The following CALN1 variants were observed in gnomAD, a reference collection of about 807,000 sequenced individuals.
The protein encoded by CALN1 is calcium-binding protein 8.
CALN1 carries 17 observed loss-of-function variants against 30.6 expected under a neutral mutation model. The ratio of observed to expected loss-of-function variants is 0.56; its 90% CI spans 0.38 to 0.83. CALN1 has a LOEUF of 0.83. Among genes scored for constraint, CALN1 ranks in the 40% least tolerant of loss-of-function variants. The pLI, the probability that CALN1 is intolerant of heterozygous loss-of-function variation, is 0.00. For missense variants in CALN1, 291 were observed against 354.9 expected, an observed-to-expected ratio of 0.82 and a Z score of 1.45; for synonymous variants, 156 against 131.4, an observed-to-expected ratio of 1.19 and a Z score of -1.28.
chr7:72,329,773 G>T (rs1172195134), intron 2 of CALN1, among the ~76,000 whole-genome samples: 1 of 151,804 alleles, frequency 6.6e-6, no homozygotes, highest in East Asian at 1.9e-4. Flanking sequence ...GGCCAACATG[G>T]TGAGACCCCG....
the CALN1 span, among the ~76,000 whole-genome samples, chr7:72,457,080 C>T: frequency 3.1e-3 from 444 of 143,940 alleles, 2 homozygotes; most frequent in African/African-American, 0.011. Flanking sequence ...GCAATCTCAG[C>T]TCACTGCAAC....
At chr7:72,146,494 C>T (rs1786741224) in intron 3 of CALN1, among the ~76,000 whole-genome samples, 1 of 152,042 alleles carries the variant, frequency 6.6e-6, no homozygotes, top group Non-Finnish European at 1.5e-5. Context: ...AAGAACATTC[C>T]ATGCTCATGG....
chr7:72,409,499 G>T (rs557392835), intron 1 of CALN1, among the ~76,000 whole-genome samples: 1 of 147,950 alleles, frequency 6.8e-6, no homozygotes, highest in African/African-American at 2.5e-5. Flanking sequence ...TAGTCTGAGT[G>T]GACTGGCCAA....
At chr7:72,196,228 C>T (rs1790989852) in intron 3 of CALN1, among the ~76,000 whole-genome samples, 1 of 152,126 alleles carries the variant, frequency 6.6e-6, no homozygotes, top group African/African-American at 2.4e-5. Flanking sequence ...AGCAGTTCTC[C>T]TGCCTCAGCC....
At chr7:72,247,231 T>C (rs1167442210) in intron 3 of CALN1, among the ~76,000 whole-genome samples, 17 of 14,008 alleles carry the variant, frequency 1.2e-3, no homozygotes, top group South Asian at 5.6e-3. Flanking sequence ...TTCTTTCTTT[T>C]TTTTTTTTTT....
chr7:72,251,260 C>G (rs1188356205), intron 3 of CALN1, among the ~76,000 whole-genome samples: 3 of 152,182 alleles, frequency 2.0e-5, no homozygotes, highest in Non-Finnish European at 4.4e-5. Context: ...TGAACTTCCA[C>G]ATCACAGGAT....
At chr7:71,807,562 G>A (rs1392824640) in intron 6 of CALN1, among the ~76,000 whole-genome samples, 10 of 152,248 alleles carry the variant, frequency 6.6e-5, no homozygotes, top group Non-Finnish European at 1.5e-4. Flanking sequence ...TGTAATGACC[G>A]TCCCAGAGGT....
chr7:72,122,094 C>T (rs1808438095), intron 3 of CALN1, among the ~76,000 whole-genome samples: 1 of 151,840 alleles, frequency 6.6e-6, no homozygotes, highest in South Asian at 2.1e-4. Context: ...CTGCCGAAGA[C>T]AGAAAGTAGG....
the CALN1 span, among the ~76,000 whole-genome samples, chr7:72,458,347 T>C: frequency 0.75 from 39 of 52 alleles, 13 homozygotes; most frequent in African/African-American, 0.76. Context: ...ATAATATATT[T>C]TATAATATAT....
At chr7:71,864,984 C>T (rs1791503809) in intron 5 of CALN1, among the ~76,000 whole-genome samples, 1 of 151,816 alleles carries the variant, frequency 6.6e-6, no homozygotes, top group South Asian at 2.1e-4. Flanking sequence ...GCCTGGATGA[C>T]AGAGTGAGAC....
At chr7:72,115,656 T>C (rs1807932222) in intron 3 of CALN1, among the ~76,000 whole-genome samples, 2 of 151,928 alleles carry the variant, frequency 1.3e-5, no homozygotes, top group African/African-American at 2.4e-5. Context: ...ACCTGGCTAA[T>C]TTTTGTATTT....
At chr7:71,923,698 T>G (rs576304178) in intron 5 of CALN1, among the ~76,000 whole-genome samples, 39 of 152,276 alleles carry the variant, frequency 2.6e-4, no homozygotes, top group African/African-American at 9.4e-4. Context: ...TTTCAGAATT[T>G]ACAAAAAGTC....
chr7:72,143,306 G>A lies in CALN1; in HGVS notation c.245-37012C>T, dbSNP rs549117104. 3.9e-5 allele frequency among the ~76,000 whole-genome samples: 6 copies of A among 152,314 alleles called. No homozygotes were observed. In the South Asian group the frequency reaches 6.2e-4, roughly 16 times the overall value. ...GGACCTGATGGAGCTGAAAACCATG[G>A]CACGAGAACTACGTGAAGAATGCAC... is the stretch of plus-strand genomic sequence containing the variant. On this transcript the variant is annotated intron_variant, in intron 3 of 6. Transcript: ENST00000395275.
chr7:72,407,904 C>T (rs1342890275), intron 1 of CALN1, among the ~76,000 whole-genome samples: 2 of 152,088 alleles, frequency 1.3e-5, no homozygotes, highest in African/African-American at 4.8e-5. Flanking sequence ...CACAAACACA[C>T]GGAACCGGGG....
At chr7:72,054,502 T>TACATATATATACAC (rs1554425550) in intron 4 of CALN1, among the ~76,000 whole-genome samples, 18 of 131,520 alleles carry the variant, frequency 1.4e-4, no homozygotes, top group South Asian at 7.1e-4. Flanking sequence ...CATATATACA[T>TACATATATATACAC]ATATATACAT....
intron 3 of CALN1, among the ~76,000 whole-genome samples, chr7:72,277,308 T>G (rs1177827047): frequency 6.6e-6 from 1 of 152,228 alleles, no homozygotes; most frequent in Non-Finnish European, 1.5e-5. Context: ...TAGCCTGAAT[T>G]TGTGGTCGCC....
chr7:71,793,246 T>C (rs13226299), intron 6 of CALN1, among the ~76,000 whole-genome samples: 35,505 of 151,718 alleles, frequency 0.23, 6,550 homozygotes, highest in East Asian at 0.66. Context: ...GCAGAGGTTG[T>C]AGTGAGCCGA....
At chr7:72,335,571 GCC>G (rs1483965737) in intron 2 of CALN1, among the ~76,000 whole-genome samples, 3 of 151,898 alleles carry the variant, frequency 2.0e-5, no homozygotes, top group African/African-American at 7.3e-5. Context: ...TATTCCCTGA[GCC>G]CAAAAAAGTC....
chr7:72,503,510 G>A, the CALN1 span, among the ~76,000 whole-genome samples: 2 of 152,084 alleles, frequency 1.3e-5, no homozygotes, highest in East Asian at 1.9e-4. Context: ...TCCGGGGTTC[G>A]GACATGCAGC....
Sources: allele counts gnomAD v4.1 joint callset (sites outside exome capture counted in the v4.1 genomes callset), GRCh38; gene constraint gnomAD v4.1.1; transcripts MANE v1.5; gene names NCBI Gene and HGNC (gene_info 2026-07-23, HGNC 2026-07-21).